The following UBE2G1 variants were observed in gnomAD, a reference collection of about 807,000 sequenced individuals.
The protein encoded by UBE2G1 is ubiquitin conjugating enzyme E2 G1, also known as ubiquitin-conjugating enzyme E2 G1.
In UBE2G1, 5 loss-of-function variants were observed where a neutral mutation model predicts 22.7. The ratio of observed to expected loss-of-function variants is 0.22; its 90% CI spans 0.12 to 0.46. The LOEUF (loss-of-function observed/expected upper bound fraction) is 0.46, where lower values mean the gene tolerates loss of function less well. Among genes scored for constraint, UBE2G1 ranks in the 20% least tolerant of loss-of-function variants. The pLI is 0.99. For synonymous variants in UBE2G1, 74 were observed against 67.5 expected (o/e 1.10, Z -0.47); for missense variants, 88 against 203.9 (o/e 0.43, Z 3.46).
At chr17:4,340,909 AAAAC>A (rs1428851054) in intron 1 of UBE2G1, among the ~76,000 whole-genome samples, 3 of 150,864 alleles carry the variant, frequency 2.0e-5, no homozygotes, top group Admixed American at 1.3e-4. Context: ...AAAAAAAAAA[AAAAC>A]AAAACCTTCA....
chr17:4,302,269 C>T (rs2143722496), intron 2 of UBE2G1: 2 of 469,140 alleles, frequency 4.3e-6, no homozygotes, highest in Non-Finnish European at 4.3e-6. Flanking sequence ...TTTGGGCTCC[C>T]AGTGGATGAC....
intron 1 of UBE2G1, among the ~76,000 whole-genome samples, chr17:4,332,752 G>A (rs1443547441): frequency 6.6e-6 from 1 of 152,136 alleles, no homozygotes; most frequent in East Asian, 1.9e-4. Context: ...CAGCGTTCAG[G>A]TCAGCCCCAT....
At chr17:4,348,068 C>T (rs1159256872) in intron 1 of UBE2G1, among the ~76,000 whole-genome samples, 2 of 152,158 alleles carry the variant, frequency 1.3e-5, no homozygotes, top group East Asian at 1.9e-4. Context: ...ACGCTAGAAA[C>T]GATTAAGATT....
intron 1 of UBE2G1, among the ~76,000 whole-genome samples, chr17:4,332,800 T>C (rs950263721): frequency 6.6e-6 from 1 of 152,206 alleles, no homozygotes; most frequent in African/African-American, 2.4e-5. Flanking sequence ...AACCTCTGCA[T>C]GATTCACTCA....
At chr17:4,331,415 A>T (rs539254865) in intron 1 of UBE2G1, among the ~76,000 whole-genome samples, 1 of 152,358 alleles carries the variant, frequency 6.6e-6, no homozygotes, top group Non-Finnish European at 1.5e-5. Context: ...CTATGCATCT[A>T]TTTAAAATAC....
intron 2 of UBE2G1, chr17:4,301,340 G>A (rs1012628625): frequency 3.2e-5 from 15 of 463,056 alleles, no homozygotes; most frequent in East Asian, 2.3e-4. Flanking sequence ...AGCCTCCCAC[G>A]GGCGCAATGG....
chr17:4,352,302 T>A (rs746371984), intron 1 of UBE2G1, among the ~76,000 whole-genome samples: 1 of 152,132 alleles, frequency 6.6e-6, no homozygotes, highest in East Asian at 1.9e-4. Context: ...CACTCATGGC[T>A]CACTGCAGCC....
intron 1 of UBE2G1, among the ~76,000 whole-genome samples, chr17:4,361,959 CAA>C (rs35792021): frequency 5.8e-5 from 4 of 69,072 alleles, no homozygotes; most frequent in Admixed American, 1.6e-4. Context: ...AAGACTGTCT[CAA>C]AAAAAAAAAA....
intron 1 of UBE2G1, among the ~76,000 whole-genome samples, chr17:4,340,860 G>A (rs1181874253): frequency 9.0e-5 from 13 of 144,426 alleles, no homozygotes; most frequent in South Asian, 2.1e-4. Flanking sequence ...CTCCCATTTC[G>A]GCCTTCCACA....
intron 1 of UBE2G1, among the ~76,000 whole-genome samples, chr17:4,318,681 A>C (rs1969403718): frequency 6.6e-6 from 1 of 152,152 alleles, no homozygotes; most frequent in African/African-American, 2.4e-5. Context: ...TTCACATCCC[A>C]GTTGGTCCCT....
chr17:4,337,121 A>G (rs1417724104), intron 1 of UBE2G1, among the ~76,000 whole-genome samples: 1 of 152,166 alleles, frequency 6.6e-6, no homozygotes, highest in Admixed American at 6.6e-5. Flanking sequence ...CTAGAAAATA[A>G]CAATGATAAA....
At chr17:4,325,906 G>A (rs34756703) in intron 1 of UBE2G1, among the ~76,000 whole-genome samples, 64,208 of 151,968 alleles carry the variant, frequency 0.42, 15,558 homozygotes, top group African/African-American at 0.67. Context: ...GGGAAACTGG[G>A]TATCCATAAG....
At chr17:4,333,497 G>A (rs770121301) in intron 1 of UBE2G1, among the ~76,000 whole-genome samples, 5 of 152,036 alleles carry the variant, frequency 3.3e-5, no homozygotes, top group African/African-American at 4.8e-5. Flanking sequence ...CCAACATGGA[G>A]AAACCCCATC....
At chr17:4,342,085 C>A (rs1969718778) in intron 1 of UBE2G1, among the ~76,000 whole-genome samples, 1 of 152,218 alleles carries the variant, frequency 6.6e-6, no homozygotes, top group Admixed American at 6.5e-5. Context: ...CACTTTATAT[C>A]TCTAAGCTAA....
At chr17:4,360,494 A>G (rs1969954207) in intron 1 of UBE2G1, among the ~76,000 whole-genome samples, 1 of 152,232 alleles carries the variant, frequency 6.6e-6, no homozygotes, top group Non-Finnish European at 1.5e-5. Flanking sequence ...GCAACAATAT[A>G]ATGATAGTCA....
chr17:4,299,376 G>A (rs1291893360), intron 2 of UBE2G1, among the ~76,000 whole-genome samples: 1 of 152,106 alleles, frequency 6.6e-6, no homozygotes, highest in East Asian at 1.9e-4. Flanking sequence ...TCCAGCGTGG[G>A]TGCCAGAGTG....
At chr17:4,317,012 G>A (rs1343312178) in intron 1 of UBE2G1, among the ~76,000 whole-genome samples, 2 of 151,974 alleles carry the variant, frequency 1.3e-5, no homozygotes, top group African/African-American at 2.4e-5. Flanking sequence ...GCCGAGGCAG[G>A]AGGATCGCTT....
At chr17:4,362,388 G>A (rs1969979741) in intron 1 of UBE2G1, among the ~76,000 whole-genome samples, 1 of 152,152 alleles carries the variant, frequency 6.6e-6, no homozygotes, top group Non-Finnish European at 1.5e-5. Context: ...ATTTATGGTT[G>A]TCACAACTAA....
intron 3 of UBE2G1, among the ~76,000 whole-genome samples, chr17:4,295,312 T>G (rs1969097228): frequency 6.6e-6 from 1 of 152,218 alleles, no homozygotes; most frequent in Non-Finnish European, 1.5e-5. Flanking sequence ...CTCTTCTTAC[T>G]GGTAGGAAAA....
Sources: gnomAD v4.1 joint callset for allele counts (sites outside exome capture counted in the v4.1 genomes callset) on GRCh38, gnomAD v4.1.1 for gene constraint, MANE v1.5 for transcripts, NCBI Gene and HGNC (gene_info 2026-07-23, HGNC 2026-07-21) for gene names.